RERE: variants seen among roughly 807,000 people sequenced by gnomAD.
RERE encodes arginine-glutamic acid dipeptide repeats, also known as arginine-glutamic acid dipeptide repeats protein.
A neutral mutation model predicts 146.1 loss-of-function variants in RERE; 40 were observed. The observed-to-expected ratio is 0.27, with a 90% CI of 0.21 to 0.36. The LOEUF (loss-of-function observed/expected upper bound fraction) is 0.36, where lower values mean the gene tolerates loss of function less well. Ranked by LOEUF, RERE falls within the 10% of genes least tolerant of loss-of-function variation. The pLI is 1.00. For missense variants in RERE, 1,933 were observed against 2,138.7 expected (o/e 0.90, Z 1.90); for synonymous variants, 1,003 against 866.0 (o/e 1.16, Z -2.78).
At chr1:8,792,584 ACCT>A (rs1462784398) in intron 1 of RERE, 2 of 152,146 alleles carry the variant, frequency 1.3e-5, no homozygotes, top group African/African-American at 4.8e-5. Flanking sequence ...CTAGACAATC[ACCT>A]CCTAAAAGAA....
At chr1:8,447,793 C>T (rs1450171031) in intron 11 of RERE, among the ~76,000 whole-genome samples, 7 of 152,222 alleles carry the variant, frequency 4.6e-5, no homozygotes, top group Admixed American at 2.6e-4. Context: ...CACTTGCCTG[C>T]GTCTGCCACC....
intron 1 of RERE, among the ~76,000 whole-genome samples, chr1:8,701,334 C>CA (rs1639446492): frequency 2.1e-5 from 3 of 140,332 alleles, no homozygotes; most frequent in Non-Finnish European, 3.1e-5. Context: ...GCACACACTC[C>CA]CTCCCTCCCT....
chr1:8,805,122 C>T (rs893675282), intron 1 of RERE, among the ~76,000 whole-genome samples: 4 of 150,568 alleles, frequency 2.7e-5, no homozygotes, highest in South Asian at 2.1e-4. Context: ...GCGATTGTCC[C>T]GGATCCCGAG....
rs76404534 is a variant in RERE at position 8,373,759 on chromosome 1, G to A, written c.1285-7785C>T. 3.7e-4 allele frequency among the ~76,000 whole-genome samples: 56 copies of A among 152,302 alleles called. No homozygotes were observed. The East Asian group carries it at 5.2e-3, about 14-fold the overall frequency. On this transcript the variant is annotated intron_variant, in intron 12 of 22. Transcript: ENST00000400908. Reference sequence around the variant, plus strand: ...TCATTCTTTCCTTTCCCTCCCCAACGATTCAAGGGCTGGATCTGACAACTG... The same window carrying A: ...TCATTCTTTCCTTTCCCTCCCCAACAATTCAAGGGCTGGATCTGACAACTG...
At chr1:8,810,972 G>C (rs1373347299) in intron 1 of RERE, among the ~76,000 whole-genome samples, 3 of 152,156 alleles carry the variant, frequency 2.0e-5, no homozygotes, top group Non-Finnish European at 2.9e-5. Context: ...ATGTAATAAA[G>C]TGATACCACC....
At chr1:8,557,109 T>C (rs1646017143) in intron 5 of RERE, among the ~76,000 whole-genome samples, 1 of 151,758 alleles carries the variant, frequency 6.6e-6, no homozygotes, top group Non-Finnish European at 1.5e-5. Flanking sequence ...TTGTTGACTG[T>C]GAGAAAAGTG....
chr1:8,814,614 C>G (rs1641875930), intron 1 of RERE, among the ~76,000 whole-genome samples: 1 of 152,200 alleles, frequency 6.6e-6, no homozygotes, highest in African/African-American at 2.4e-5. Flanking sequence ...TCCTCTACCC[C>G]TCTACCTGGT....
At chr1:8,432,154 CGTCCAAACTATCG>C (rs1334445791) in intron 11 of RERE, among the ~76,000 whole-genome samples, 6 of 152,172 alleles carry the variant, frequency 3.9e-5, no homozygotes, top group Non-Finnish European at 8.8e-5. Flanking sequence ...ATTCCTAGTA[CGTCCAAACTATCG>C]GTCTGCTAGT....
chr1:8,641,909 G>A (rs949692178), intron 2 of RERE, among the ~76,000 whole-genome samples: 5 of 152,086 alleles, frequency 3.3e-5, no homozygotes, highest in Non-Finnish European at 5.9e-5. Context: ...TTCAAACCAA[G>A]GAGGATTAAA....
chr1:8,660,878 C>T (rs1250758877), intron 1 of RERE, among the ~76,000 whole-genome samples: 1 of 152,184 alleles, frequency 6.6e-6, no homozygotes, highest in Admixed American at 6.5e-5. Flanking sequence ...TTCAGATTTA[C>T]AACAAGCTTC....
At chr1:8,626,519 G>A (rs1275698897) in intron 2 of RERE, among the ~76,000 whole-genome samples, 1 of 152,118 alleles carries the variant, frequency 6.6e-6, no homozygotes, top group African/African-American at 2.4e-5. Context: ...CAGCCTAATG[G>A]CTAATGACAT....
intron 1 of RERE, among the ~76,000 whole-genome samples, chr1:8,670,333 G>A (rs1010873405): frequency 4.6e-5 from 7 of 152,174 alleles, no homozygotes; most frequent in African/African-American, 1.7e-4. Context: ...TCAATCTCCA[G>A]AGGAGATTCT....
chr1:8,360,272 T>C lies in RERE; in HGVS notation c.3235A>G (p.Ser1079Gly), dbSNP rs766015258. Residue 1079 changes from serine (S) to glycine (G), a missense_variant, in exon 18 of 23, where the codon AGC becomes GGC. Coordinates refer to ENST00000400908, the MANE Select transcript of RERE (RefSeq NM_001042681.2). The stretch of plus-strand genomic sequence containing the variant: ...GGGCAGGACGACCCCCCCGCTATGC[T>C]GCCTCCTGAAGCCGCCGCACCAGAG... Reference protein sequence around the residue: ...PCSGAAASGGSIAGGSSCPLP... With the variant: ...PCSGAAASGGGIAGGSSCPLP... 1.3e-6 allele frequency: 2 copies of C among 1,570,196 alleles called. No homozygotes were observed. Among genetic ancestry groups the C allele is most frequent in the South Asian group, 1.2e-5 (1 of 85,974 alleles).
intron 1 of RERE, among the ~76,000 whole-genome samples, chr1:8,717,018 AATGAT>A (rs1405614046): frequency 3.9e-5 from 6 of 152,226 alleles, no homozygotes; most frequent in South Asian, 2.1e-4. Flanking sequence ...TTAAAAAATA[AATGAT>A]ATAACAACTC....
At chr1:8,601,377 C>T (rs1388741370) in intron 4 of RERE, among the ~76,000 whole-genome samples, 1 of 151,966 alleles carries the variant, frequency 6.6e-6, no homozygotes, top group East Asian at 1.9e-4. Flanking sequence ...GAATGTTCCC[C>T]AATCCAGTTA....
chr1:8,419,110 G>A (rs950630622), intron 12 of RERE, among the ~76,000 whole-genome samples: 13 of 152,254 alleles, frequency 8.5e-5, no homozygotes, highest in African/African-American at 3.1e-4. Flanking sequence ...AGCATATTGA[G>A]GGGAGGTAAA....
chr1:8,764,856 T>C (rs1640819017), intron 1 of RERE, among the ~76,000 whole-genome samples: 1 of 152,214 alleles, frequency 6.6e-6, no homozygotes, highest in Non-Finnish European at 1.5e-5. Context: ...TAAGTATTAG[T>C]GCTAATGTGG....
intron 4 of RERE, among the ~76,000 whole-genome samples, chr1:8,564,824 A>ATGTGTGTG (rs1182779393): frequency 0.011 from 546 of 48,648 alleles, 2 homozygotes; most frequent in Non-Finnish European, 0.018. Context: ...ATGTGTGTGT[A>ATGTGTGTG]TATGTGTATG....
At chr1:8,480,298 C>T (rs1295518919) in intron 10 of RERE, among the ~76,000 whole-genome samples, 1 of 151,562 alleles carries the variant, frequency 6.6e-6, no homozygotes, top group African/African-American at 2.4e-5. Context: ...CACCACCACA[C>T]CCGACTAATT....
Sources: allele counts gnomAD v4.1 joint callset (sites outside exome capture counted in the v4.1 genomes callset), GRCh38; gene constraint gnomAD v4.1.1; transcripts MANE v1.5; gene names NCBI Gene and HGNC (gene_info 2026-07-23, HGNC 2026-07-21).